PACRG: variants seen among roughly 807,000 people sequenced by gnomAD.
PACRG encodes parkin coregulated gene protein.
A neutral mutation model predicts 29.7 loss-of-function variants in PACRG; 29 were observed. The observed-to-expected ratio is 0.98, with a 90% CI of 0.73 to 1.33. The LOEUF is 1.33. Ranked by LOEUF, PACRG falls within the 40% of genes most tolerant of loss-of-function variation. The pLI is 0.00. For synonymous variants in PACRG, 116 were observed against 118.7 expected (o/e 0.98, Z 0.15); for missense variants, 279 against 316.2 (o/e 0.88, Z 0.89).
At chr6:163,252,830 A>G (rs574138744) in intron 4 of PACRG, among the ~76,000 whole-genome samples, 1 of 152,338 alleles carries the variant, frequency 6.6e-6, no homozygotes, top group Admixed American at 6.5e-5. Context: ...GCAGTCGCTT[A>G]CAACTTCAGG....
intron 4 of PACRG, among the ~76,000 whole-genome samples, chr6:163,275,479 A>G (rs1783991912): frequency 6.6e-6 from 1 of 152,232 alleles, no homozygotes; most frequent in South Asian, 2.1e-4. Flanking sequence ...AAGGCAAGAA[A>G]TGATATTTCC....
At chr6:162,900,038 G>C (rs1327501745) in intron 2 of PACRG, among the ~76,000 whole-genome samples, 2 of 152,100 alleles carry the variant, frequency 1.3e-5, no homozygotes, top group Non-Finnish European at 2.9e-5. Context: ...AAGGGCGGGG[G>C]AGAGAGAGCC....
At chr6:163,306,626 T>C (rs1785206068) in intron 4 of PACRG, among the ~76,000 whole-genome samples, 1 of 152,206 alleles carries the variant, frequency 6.6e-6, no homozygotes, top group South Asian at 2.1e-4. Context: ...ACAAATAATA[T>C]GAATTTTGCA....
chr6:162,810,338 A>C (rs1446745285), intron 1 of PACRG, among the ~76,000 whole-genome samples: 1 of 152,208 alleles, frequency 6.6e-6, no homozygotes, highest in African/African-American at 2.4e-5. Context: ...TAAGCAAGCT[A>C]AAACGGAAGC....
intron 2 of PACRG, among the ~76,000 whole-genome samples, chr6:162,827,287 T>C (rs1195962561): frequency 2.6e-5 from 4 of 152,188 alleles, no homozygotes; most frequent in Admixed American, 2.6e-4. Flanking sequence ...CACTGCATTA[T>C]TCTAACTTAT....
intron 2 of PACRG, among the ~76,000 whole-genome samples, chr6:162,923,905 A>G (rs1242861453): frequency 6.6e-6 from 1 of 152,052 alleles, no homozygotes; most frequent in African/African-American, 2.4e-5. Flanking sequence ...TGATTTTGCT[A>G]GTTCTGTGAA....
At chr6:162,930,845 T>A (rs2128105798) in intron 2 of PACRG, among the ~76,000 whole-genome samples, 2 of 151,894 alleles carry the variant, frequency 1.3e-5, no homozygotes, top group Middle Eastern at 3.4e-3. Context: ...ACATGGTTTT[T>A]TTCTTGGTAC....
intron 3 of PACRG, among the ~76,000 whole-genome samples, chr6:163,075,888 T>C (rs866795176): frequency 1.3e-5 from 2 of 152,224 alleles, no homozygotes; most frequent in South Asian, 2.1e-4. Flanking sequence ...TGTTGCAGGT[T>C]AGCAGCAAGG....
At chr6:162,974,915 G>A (rs1801822198) in intron 2 of PACRG, among the ~76,000 whole-genome samples, 1 of 152,162 alleles carries the variant, frequency 6.6e-6, no homozygotes, top group Non-Finnish European at 1.5e-5. Context: ...GGGCTCAGTA[G>A]CAATGGCTCT....
At chr6:163,116,029 C>G (rs1815972976) in intron 4 of PACRG, among the ~76,000 whole-genome samples, 1 of 152,180 alleles carries the variant, frequency 6.6e-6, no homozygotes. Flanking sequence ...AGTTACACTT[C>G]TAGAGGACAG....
rs141832371 is a variant in PACRG, at chr6:163,213,144, C to T, written c.614-101683C>T. ...CTATGAAATGGACAAATTAAAAGCA[C>T]GTGGCAGCTGATGGAGCACAGTGGG... On this transcript the variant is annotated intron_variant, in intron 4 of 4. Coordinates refer to ENST00000366888, the MANE Select transcript of PACRG (RefSeq NM_001080379.2). 3.1e-4 allele frequency among the ~76,000 whole-genome samples: 47 copies of T among 152,190 alleles called. No homozygotes were observed. In the South Asian group the frequency reaches 8.5e-3, roughly 28 times the overall value.
At chr6:162,739,753 A>G (rs1584192055) in intron 1 of PACRG, among the ~76,000 whole-genome samples, 1 of 150,502 alleles carries the variant, frequency 6.6e-6, no homozygotes, top group Non-Finnish European at 1.5e-5. Context: ...GAGGCAGGGG[A>G]CTCACTTGAA....
intron 1 of PACRG, among the ~76,000 whole-genome samples, chr6:162,787,526 T>C (rs1310535125): frequency 6.8e-6 from 1 of 146,094 alleles, no homozygotes; most frequent in Admixed American, 7.0e-5. Flanking sequence ...TGTATATGTG[T>C]GTGTGTGTGT....
chr6:162,906,650 C>T (rs4709657), intron 2 of PACRG, among the ~76,000 whole-genome samples: 64,865 of 151,944 alleles, frequency 0.43, 14,942 homozygotes, highest in African/African-American at 0.61. Flanking sequence ...CTCTTTCTTC[C>T]GTGGTGTTTA....
In PACRG at chr6:162,747,474, C is replaced by CTATATATATATA. The variant is rs377352285; in HGVS notation, c.156+19091_156+19102dup. 7.7e-3 allele frequency among the ~76,000 whole-genome samples: 343 copies of CTATATATATATA among 44,770 alleles called. 62 individuals are homozygous for CTATATATATATA. The highest frequency in any genetic ancestry group is 0.022 in the African/African-American group (276 of 12,372). 29.4% of individuals were successfully genotyped at this position (44,770 alleles called of 152,430 possible). A position where few individuals can be genotyped will look rare whatever the true frequency, so the allele number is the denominator to read the frequency against. On this transcript the variant is annotated intron_variant, in intron 1 of 4. Transcript: ENST00000366888. ...TATAACTATAAATATATATGTAAAA[C>CTATATATATATA]TATATATATATATATATATTCCATT...
At chr6:163,146,242 G>C (rs148285662) in intron 4 of PACRG, among the ~76,000 whole-genome samples, 1 of 152,290 alleles carries the variant, frequency 6.6e-6, no homozygotes, top group East Asian at 1.9e-4. Context: ...CCAAGACTTG[G>C]CTTTCACCAC....
chr6:162,920,008 G>A (rs1796956768), intron 2 of PACRG, among the ~76,000 whole-genome samples: 1 of 152,050 alleles, frequency 6.6e-6, no homozygotes. Context: ...TGTAGTCTTG[G>A]CCAGAGCGGA....
At chr6:162,763,179 T>C (rs976789828) in intron 1 of PACRG, among the ~76,000 whole-genome samples, 2 of 152,200 alleles carry the variant, frequency 1.3e-5, no homozygotes, top group African/African-American at 2.4e-5. Context: ...TAGCTCTGCT[T>C]TTAAGCTGTT....
At chr6:163,179,707 C>CAA (rs200887172) in intron 4 of PACRG, among the ~76,000 whole-genome samples, 1,337 of 103,868 alleles carry the variant, frequency 0.013, 21 homozygotes, top group African/African-American at 0.038. Flanking sequence ...AGATCTGTCT[C>CAA]AAAAAAAAAA....
Sources: gnomAD v4.1 joint callset for allele counts (sites outside exome capture counted in the v4.1 genomes callset) on GRCh38, gnomAD v4.1.1 for gene constraint, MANE v1.5 for transcripts, NCBI Gene and HGNC (gene_info 2026-07-23, HGNC 2026-07-21) for gene names.